LRP1B: variants seen among roughly 807,000 people sequenced by gnomAD.
LRP1B encodes low-density lipoprotein receptor-related protein 1B.
Under a neutral mutation model 556.6 loss-of-function variants are expected in LRP1B, and 217 were observed. That is an observed-to-expected ratio of 0.39 (90% CI 0.35 to 0.44). LRP1B has a LOEUF of 0.44. LRP1B is among the 20% of genes least tolerant of loss of function. The pLI is 1.00. For synonymous variants in LRP1B, 2,047 were observed against 1,865.8 expected (o/e 1.10, Z -2.50); for missense variants, 5,053 against 5,620.8 (o/e 0.90, Z 3.23).
intron 83 of LRP1B, among the ~76,000 whole-genome samples, chr2:140,308,325 T>C (rs1215777226): frequency 6.8e-6 from 1 of 146,984 alleles, no homozygotes. Context: ...TGGACAGTTA[T>C]GTTATGATTT....
At chr2:141,828,575 T>C (rs375445746) in intron 1 of LRP1B, among the ~76,000 whole-genome samples, 1 of 152,128 alleles carries the variant, frequency 6.6e-6, no homozygotes, top group Admixed American at 6.5e-5. Flanking sequence ...AATCATCATA[T>C]CCTTTGCAGG....
intron 1 of LRP1B, among the ~76,000 whole-genome samples, chr2:141,940,967 CA>C (rs1248802401): frequency 1.3e-5 from 2 of 152,184 alleles, no homozygotes; most frequent in African/African-American, 4.8e-5. Flanking sequence ...CAGTGCATTT[CA>C]ATGTTAGAGT....
chr2:141,055,252 G>A lies in LRP1B; in HGVS notation c.1416C>T (p.Ser472=), dbSNP rs1699147519. 1.9e-6 allele frequency: 3 copies of A among 1,608,344 alleles called. No homozygotes were observed. Among genetic ancestry groups the A allele is most frequent in the East Asian group, 2.2e-5 (1 of 44,534 alleles). The part of the protein sequence containing the change: ...YQKRTQPTVR[S]HACEVDPYGM... ...CATATGGATCGACTTCACATGCATG[G>A]CTTCTGACTACAACAAATAAAAAAC... The change falls in exon 10 of 91, where the codon AGC becomes AGT. Residue 472 remains serine (S), a synonymous_variant. Transcript: ENST00000389484.
chr2:140,979,259 A>T (rs1193853704), intron 18 of LRP1B, among the ~76,000 whole-genome samples: 7 of 152,176 alleles, frequency 4.6e-5, no homozygotes, highest in Non-Finnish European at 1.0e-4. Flanking sequence ...AATTACAGGC[A>T]TGAACCACCA....
At chr2:140,289,257 C>A (rs1011611345) in intron 84 of LRP1B, among the ~76,000 whole-genome samples, 1 of 151,802 alleles carries the variant, frequency 6.6e-6, no homozygotes, top group Non-Finnish European at 1.5e-5. Context: ...AAATAAAGTC[C>A]ATTTCTGATC....
chr2:141,078,681 C>T (rs192733887), intron 7 of LRP1B, among the ~76,000 whole-genome samples: 212 of 152,230 alleles, frequency 1.4e-3, no homozygotes, highest in African/African-American at 4.4e-3. Context: ...CTTCTCCTTG[C>T]TCATATATAA....
chr2:141,707,600 C>G (rs1398289479), intron 2 of LRP1B, among the ~76,000 whole-genome samples: 1 of 152,148 alleles, frequency 6.6e-6, no homozygotes, highest in Non-Finnish European at 1.5e-5. Context: ...TGTGTCTGCA[C>G]CACTGTTGAA....
intron 43 of LRP1B, 57 bp downstream of exon 43, chr2:140,598,574 A>T (rs1171659134): frequency 1.5e-6 from 2 of 1,317,772 alleles, no homozygotes; most frequent in African/African-American, 2.9e-5. Context: ...TATAAATCAC[A>T]TGTTTTAAAT....
chr2:141,235,090 G>A lies in LRP1B; in HGVS notation c.593-5650C>T, dbSNP rs183197838. ...AACTGTTCTATCACATTTTATTATA[G>A]AAATAATATATAAATCAAATTAGGA... On this transcript the variant is annotated intron_variant, in intron 5 of 90. Transcript: ENST00000389484. 5.5e-3 allele frequency among the ~76,000 whole-genome samples: 840 copies of A among 151,960 alleles called. 11 individuals carry two copies. Among genetic ancestry groups the A allele is most frequent in the African/African-American group, 0.019 (774 of 41,462 alleles).
At chr2:141,709,311 T>C (rs1692267868) in intron 2 of LRP1B, among the ~76,000 whole-genome samples, 1 of 151,616 alleles carries the variant, frequency 6.6e-6, no homozygotes, top group African/African-American at 2.4e-5. Flanking sequence ...ACTGCACCAT[T>C]GCACTCCAGC....
intron 3 of LRP1B, among the ~76,000 whole-genome samples, chr2:141,432,421 TG>T (rs1247634942): frequency 6.6e-6 from 1 of 152,050 alleles, no homozygotes; most frequent in Non-Finnish European, 1.5e-5. Context: ...TGTTTTTATC[TG>T]GTTTTGAAAT....
intron 53 of LRP1B, among the ~76,000 whole-genome samples, chr2:140,505,472 T>A (rs1376412130): frequency 6.6e-6 from 1 of 152,206 alleles, no homozygotes; most frequent in Non-Finnish European, 1.5e-5. Context: ...ATTGTGATTC[T>A]TGTTTCTATT....
rs557530153 is a variant in LRP1B, at chr2:141,128,903, T to C, written c.1013+59518A>G. 9.8e-5 allele frequency among the ~76,000 whole-genome samples: 15 copies of C among 152,292 alleles called. No individual in the cohort carries two copies. The South Asian group carries it at 2.3e-3, about 23-fold the overall frequency. ...TGTTATCACCACATAAGTTATATCATCCTACTAATTCTAATTACCTAAGTG... is the reference window on the plus strand; with the variant it reads ...TGTTATCACCACATAAGTTATATCACCCTACTAATTCTAATTACCTAAGTG... On this transcript the variant is annotated intron_variant, in intron 7 of 90. Coordinates refer to ENST00000389484, the MANE Select transcript of LRP1B (RefSeq NM_018557.3).
In LRP1B at chr2:141,631,455, A is replaced by G. The variant is rs549522693; in HGVS notation, c.206-150922T>C. Among the ~76,000 whole-genome samples, 16 of 151,966 alleles carry G rather than the reference A, an allele frequency of 1.1e-4. No homozygotes were observed. The South Asian group carries it at 3.3e-3, about 32-fold the overall frequency. ...ACTGAGCTCATGCACTAGGTCCAACAGACCAGACTGGACAAACTAGAATGC... is the reference window on the plus strand; with the variant it reads ...ACTGAGCTCATGCACTAGGTCCAACGGACCAGACTGGACAAACTAGAATGC... On this transcript the variant is annotated intron_variant, in intron 2 of 90. Transcript: ENST00000389484.
chr2:141,572,333 C>T (rs1426745452), intron 2 of LRP1B, among the ~76,000 whole-genome samples: 1 of 152,098 alleles, frequency 6.6e-6, no homozygotes, highest in Non-Finnish European at 1.5e-5. Flanking sequence ...CCAAACTAAG[C>T]TTTATAAGCG....
chr2:141,721,792 C>T (rs1322325989), intron 2 of LRP1B, among the ~76,000 whole-genome samples: 1 of 152,050 alleles, frequency 6.6e-6, no homozygotes, highest in Non-Finnish European at 1.5e-5. Context: ...AAAAATTATT[C>T]GTATGGTAGC....
At chr2:140,580,859 T>A (rs2105135599) in intron 43 of LRP1B, among the ~76,000 whole-genome samples, 1 of 152,280 alleles carries the variant, frequency 6.6e-6, no homozygotes, top group East Asian at 1.9e-4. Flanking sequence ...TCCAGAAATA[T>A]CCTCCTGGAT....
rs760776195 is a variant in LRP1B, at chr2:140,233,269, G to A, written c.13717C>T (p.Arg4573Ter). 4.4e-6 allele frequency: 7 copies of A among 1,604,762 alleles called. No individual in the cohort carries two copies. Among genetic ancestry groups the A allele is most frequent in the East Asian group, 4.5e-5 (2 of 44,388 alleles). ...AKLYMDGQNC[R>*]NSLGSVDERK... The stretch of plus-strand genomic sequence containing the variant: ...TCATCAACACTTCCTAAGGAGTTTC[G>A]ACAGTTTTGCCCATCCATATATAAT... Residue 4573 changes from arginine (R) to a stop codon, truncating the protein, a stop_gained, in exon 91 of 91, where the codon CGA (arginine) becomes TGA (stop). Coordinates refer to ENST00000389484, the MANE Select transcript of LRP1B (RefSeq NM_018557.3). LOFTEE classifies it high-confidence loss of function.
rs114496750 is a variant in LRP1B, at chr2:140,744,709, G to A, written c.5758+24504C>T. Among the ~76,000 whole-genome samples, 670 of 152,230 alleles carry A rather than the reference G, an allele frequency of 4.4e-3. 3 individuals carry two copies. The highest frequency in any genetic ancestry group is 0.015 in the African/African-American group (630 of 41,542). On this transcript the variant is annotated intron_variant, in intron 35 of 90. Coordinates refer to ENST00000389484, the MANE Select transcript of LRP1B (RefSeq NM_018557.3). ...TGAACATGTGATCTAAAATGCAGCT[G>A]CTATAGATTTTTCACTCTGTAATGT...
Sources: gnomAD v4.1 joint callset for allele counts (sites outside exome capture counted in the v4.1 genomes callset) on GRCh38, gnomAD v4.1.1 for gene constraint, MANE v1.5 for transcripts, NCBI Gene and HGNC (gene_info 2026-07-23, HGNC 2026-07-21) for gene names.